Variants in TMEM260 observed in about 807,000 individuals in gnomAD.
The protein encoded by TMEM260 is protein O-mannosyl-transferase TMEM260.
Under a neutral mutation model 88.9 loss-of-function variants are expected in TMEM260, and 82 were observed. The observed-to-expected ratio is 0.92, with a 90% CI of 0.77 to 1.11. The LOEUF (loss-of-function observed/expected upper bound fraction) is 1.11, where lower values mean the gene tolerates loss of function less well. Ranked by LOEUF, TMEM260 falls within the 50% of genes least tolerant of loss-of-function variation. TMEM260 has a pLI of 0.00. For missense variants in TMEM260, 902 were observed against 853.4 expected, an observed-to-expected ratio of 1.06 and a Z score of -0.71; for synonymous variants, 314 against 309.3, an observed-to-expected ratio of 1.02 and a Z score of -0.16.
At chr14:56,594,804 A>G (rs1178346608) in intron 3 of TMEM260, among the ~76,000 whole-genome samples, 1 of 152,236 alleles carries the variant, frequency 6.6e-6, no homozygotes, top group African/African-American at 2.4e-5. Flanking sequence ...TGGACTACCA[A>G]TTCATTTAAT....
chr14:56,581,517 G>A, intron 1 of TMEM260, among the ~76,000 whole-genome samples: 1 of 152,134 alleles, frequency 6.6e-6, no homozygotes. Flanking sequence ...CAGAGGTTAG[G>A]TAGTTCTGTT....
At chr14:56,603,737 T>C in intron 3 of TMEM260, 78 bp from the exon 4 acceptor site, 2 of 1,513,304 alleles carry the variant, frequency 1.3e-6, no homozygotes, top group Non-Finnish European at 1.8e-6. Context: ...TAATTTCTGC[T>C]GGTACAGTTT....
chr14:56,634,327 C>G (rs945214647), intron 13 of TMEM260, among the ~76,000 whole-genome samples: 1 of 152,162 alleles, frequency 6.6e-6, no homozygotes, highest in Non-Finnish European at 1.5e-5. Context: ...ACAGCTGGCT[C>G]CCCAGAGACT....
At chr14:56,625,567 C>G in intron 12 of TMEM260, 37 bp downstream of exon 12, 1 of 1,529,200 alleles carries the variant, frequency 6.5e-7, no homozygotes, top group Non-Finnish European at 8.9e-7. Flanking sequence ...TTTCTAAAAT[C>G]TTAAGCTTTT....
chr14:56,595,514 C>G (rs1886150779), intron 3 of TMEM260, among the ~76,000 whole-genome samples: 2 of 152,162 alleles, frequency 1.3e-5, no homozygotes, highest in African/African-American at 4.8e-5. Flanking sequence ...GGATATCACT[C>G]TGTCACCCAG....
At chr14:56,624,888 G>T (rs934794054) in intron 11 of TMEM260, among the ~76,000 whole-genome samples, 1 of 152,134 alleles carries the variant, frequency 6.6e-6, no homozygotes, top group South Asian at 2.1e-4. Flanking sequence ...GGTTGGGGGT[G>T]GGGGTGGGGA....
chr14:56,589,985 G>C (rs1885750455), intron 3 of TMEM260, among the ~76,000 whole-genome samples: 1 of 152,146 alleles, frequency 6.6e-6, no homozygotes. Flanking sequence ...ATAATGTGAA[G>C]CTCTTCCTAA....
At chr14:56,654,814 C>CAAAAAAAAAA (rs750160414), downstream of TMEM260, among the ~76,000 whole-genome samples, 3 of 51,790 alleles carry the variant, frequency 5.8e-5, no homozygotes, top group African/African-American at 2.0e-4. Context: ...AACTCCATCT[C>CAAAAAAAAAA]AAAAAAAAAA....
intron 3 of TMEM260, among the ~76,000 whole-genome samples, chr14:56,590,491 C>T (rs1351705082): frequency 1.3e-5 from 2 of 152,192 alleles, no homozygotes; most frequent in Non-Finnish European, 2.9e-5. Flanking sequence ...ACAACTAAAT[C>T]CCATGTGTAA....
chr14:56,646,379 G>A (rs1889968249), intron 15 of TMEM260, among the ~76,000 whole-genome samples: 1 of 152,212 alleles, frequency 6.6e-6, no homozygotes, highest in Non-Finnish European at 1.5e-5. Flanking sequence ...CACTCAGAAA[G>A]TCTACAGGTA....
At chr14:56,662,479 A>G in the TMEM260 span, among the ~76,000 whole-genome samples, 1 of 152,190 alleles carries the variant, frequency 6.6e-6, no homozygotes, top group Non-Finnish European at 1.5e-5. Flanking sequence ...AAACTCCAGA[A>G]CCATGACACC....
chr14:56,582,736 T>C (rs893804480), intron 1 of TMEM260, among the ~76,000 whole-genome samples: 9 of 152,122 alleles, frequency 5.9e-5, no homozygotes, highest in African/African-American at 2.2e-4. Context: ...ATGTAAAGGG[T>C]TGGGAGAAAG....
chr14:56,602,137 C>G (rs1240957273), intron 3 of TMEM260, among the ~76,000 whole-genome samples: 1 of 152,090 alleles, frequency 6.6e-6, no homozygotes, highest in Non-Finnish European at 1.5e-5. Flanking sequence ...TGAAATTTAA[C>G]TCCAATTCAC....
chr14:56,584,600 AGATGTCTGCGCATTTTACCTTACTAT>A (rs2139496352), intron 1 of TMEM260, among the ~76,000 whole-genome samples: 1 of 152,216 alleles, frequency 6.6e-6, no homozygotes, highest in East Asian at 1.9e-4. Context: ...TCCAAACCTC[AGATGTCTGCGCATTTTACCTTACTAT>A]AAGGTTGTAT....
At chr14:56,605,098 G>A (rs940674584) in intron 4 of TMEM260, among the ~76,000 whole-genome samples, 7 of 152,186 alleles carry the variant, frequency 4.6e-5, no homozygotes, top group Non-Finnish European at 7.3e-5. Flanking sequence ...CCTGACTTGA[G>A]TTTGGTCAAC....
intron 15 of TMEM260, among the ~76,000 whole-genome samples, chr14:56,641,371 C>A (rs771322923): frequency 4.1e-4 from 62 of 152,214 alleles, no homozygotes; most frequent in Non-Finnish European, 6.6e-4. Flanking sequence ...CAGTATTCTT[C>A]AAGAAAAGAA....
Position 56,634,955 on chromosome 14 carries a change from G to C in TMEM260, c.1778+3G>C, listed in dbSNP as rs1004840314. 3 of 1,613,774 alleles carry C rather than the reference G, an allele frequency of 1.9e-6. No individual in the cohort carries two copies. The African/African-American group carries it at 4.0e-5, about 22-fold the overall frequency. On this transcript the variant is annotated splice_donor_region_variant and intron_variant, in intron 14 of 15. Coordinates refer to ENST00000261556, the MANE Select transcript of TMEM260 (RefSeq NM_017799.4). ...AATGAAGAAATGTGGCAAGCGAGGT[G>C]ACTATTCTACATTTTTGTGTGTGCA...
At chr14:56,591,770 C>T (rs571031794) in intron 3 of TMEM260, among the ~76,000 whole-genome samples, 46 of 152,274 alleles carry the variant, frequency 3.0e-4, no homozygotes, top group Admixed American at 4.6e-4. Flanking sequence ...CTTAGTAAAA[C>T]GTGAAGTAAA....
At position 56,585,746 on chromosome 14, in the gene TMEM260, C is replaced by T. The variant is rs752685553; in HGVS notation, c.193-15C>T. The stretch of plus-strand genomic sequence containing the variant: ...CTAGATGAAAACCTTCTAACTGTTG[C>T]TAATTTTTCCGTAGGTTGCCCATCC... On this transcript the variant is annotated splice_polypyrimidine_tract_variant and intron_variant, in intron 2 of 15. Transcript: ENST00000261556. The T allele has an allele frequency of 6.2e-7, 1 of 1,609,666 alleles. No homozygotes were observed. The highest frequency in any genetic ancestry group is 1.7e-5 in the Admixed American group (1 of 59,130).
Sources: allele counts gnomAD v4.1 joint callset (sites outside exome capture counted in the v4.1 genomes callset), GRCh38; gene constraint gnomAD v4.1.1; transcripts MANE v1.5; gene names NCBI Gene and HGNC (gene_info 2026-07-23, HGNC 2026-07-21).